The following PTPRT variants were observed in gnomAD, a reference collection of about 807,000 sequenced individuals.
The protein encoded by PTPRT is protein tyrosine phosphatase receptor type T.
PTPRT carries 56 observed loss-of-function variants against 176.8 expected under a neutral mutation model. The ratio of observed to expected loss-of-function variants is 0.32; its 90% CI spans 0.26 to 0.40. PTPRT has a LOEUF of 0.40. Among genes scored for constraint, PTPRT ranks in the 10% least tolerant of loss-of-function variants. The pLI, the probability that PTPRT is intolerant of heterozygous loss-of-function variation, is 1.00. For synonymous variants in PTPRT, 783 were observed against 739.0 expected (o/e 1.06, Z -0.96); for missense variants, 1,540 against 1,908.2 (o/e 0.81, Z 3.60).
intron 2 of PTPRT, among the ~76,000 whole-genome samples, chr20:42,831,616 T>G (rs1474845824): frequency 2.0e-5 from 3 of 152,206 alleles, no homozygotes; most frequent in Non-Finnish European, 4.4e-5. Flanking sequence ...GAGAAAATGT[T>G]GGCAAACTAT....
chr20:42,959,937 G>A (rs557275320), intron 1 of PTPRT, among the ~76,000 whole-genome samples: 2 of 152,056 alleles, frequency 1.3e-5, no homozygotes, highest in Non-Finnish European at 2.9e-5. Context: ...CAGGGACCTC[G>A]CAAGCTCATC....
At chr20:42,905,024 G>A (rs931097879) in intron 1 of PTPRT, among the ~76,000 whole-genome samples, 4 of 152,120 alleles carry the variant, frequency 2.6e-5, no homozygotes, top group African/African-American at 7.2e-5. Context: ...CTTCATGACT[G>A]AAACACCAAA....
At chr20:43,083,318 A>ATG (rs200630846) in intron 1 of PTPRT, among the ~76,000 whole-genome samples, 35,753 of 78,276 alleles carry the variant, frequency 0.46, 9,658 homozygotes, top group East Asian at 0.65. Context: ...CCCACTTCAA[A>ATG]TGTATATATA....
At chr20:43,129,554 G>A (rs1288363091) in intron 1 of PTPRT, among the ~76,000 whole-genome samples, 2 of 150,566 alleles carry the variant, frequency 1.3e-5, no homozygotes, top group Admixed American at 6.6e-5. Flanking sequence ...CAAACAGAAC[G>A]CTGCCTTTAG....
chr20:43,170,771 C>G (rs1201509892), intron 1 of PTPRT, among the ~76,000 whole-genome samples: 2 of 152,184 alleles, frequency 1.3e-5, no homozygotes, highest in Non-Finnish European at 2.9e-5. Flanking sequence ...GTGGCAAGAG[C>G]TGGGATTTTA....
At chr20:42,515,043 T>A (rs2072035130) in intron 7 of PTPRT, among the ~76,000 whole-genome samples, 1 of 152,130 alleles carries the variant, frequency 6.6e-6, no homozygotes, top group Non-Finnish European at 1.5e-5. Context: ...CCACTGGGGG[T>A]TTTATCTTAA....
chr20:42,449,429 C>G (rs2070787048), intron 8 of PTPRT, among the ~76,000 whole-genome samples: 1 of 152,158 alleles, frequency 6.6e-6, no homozygotes. Flanking sequence ...CCCAAACTTT[C>G]TGCTGTAACC....
intron 2 of PTPRT, among the ~76,000 whole-genome samples, chr20:42,858,497 G>A (rs2078604942): frequency 6.6e-6 from 1 of 152,172 alleles, no homozygotes; most frequent in South Asian, 2.1e-4. Flanking sequence ...AAGCGATGAG[G>A]ACTTTGGGGA....
At chr20:42,133,733 G>C (rs1319536722) in intron 18 of PTPRT, among the ~76,000 whole-genome samples, 2 of 152,170 alleles carry the variant, frequency 1.3e-5, no homozygotes, top group African/African-American at 4.8e-5. Flanking sequence ...TGTAATGAAT[G>C]TACCACACTA....
intron 1 of PTPRT, among the ~76,000 whole-genome samples, chr20:43,156,265 A>G (rs756676029): frequency 7.2e-5 from 11 of 152,228 alleles, no homozygotes; most frequent in Admixed American, 1.3e-4. Flanking sequence ...CTTGTCCATA[A>G]CAGAACCTCA....
At chr20:42,558,668 T>C (rs893243956) in intron 7 of PTPRT, among the ~76,000 whole-genome samples, 1 of 152,090 alleles carries the variant, frequency 6.6e-6, no homozygotes, top group Non-Finnish European at 1.5e-5. Flanking sequence ...AACCCAACTC[T>C]ACTAATCTCA....
At chr20:42,388,833 T>C (rs1004542399) in intron 9 of PTPRT, among the ~76,000 whole-genome samples, 4 of 152,220 alleles carry the variant, frequency 2.6e-5, no homozygotes, top group Admixed American at 2.6e-4. Flanking sequence ...CACATATGTT[T>C]ACTGCAGCAC....
chr20:42,914,559 A>G (rs206672), intron 1 of PTPRT, among the ~76,000 whole-genome samples: 6,311 of 152,272 alleles, frequency 0.041, 443 homozygotes, highest in African/African-American at 0.14. Flanking sequence ...CAAATGATTT[A>G]TGTTAACTGA....
intron 7 of PTPRT, among the ~76,000 whole-genome samples, chr20:42,474,766 G>A (rs1349786057): frequency 1.3e-5 from 2 of 152,120 alleles, no homozygotes; most frequent in Non-Finnish European, 2.9e-5. Flanking sequence ...TGGCTTGCCT[G>A]GGAAGCCCCG....
At chr20:42,599,080 GAGGACC>G in intron 7 of PTPRT, among the ~76,000 whole-genome samples, 1 of 152,170 alleles carries the variant, frequency 6.6e-6, no homozygotes, top group Non-Finnish European at 1.5e-5. Flanking sequence ...GTAAGATATT[GAGGACC>G]TGGTGGCAAG....
At chr20:43,091,373 A>G (rs185410092) in intron 1 of PTPRT, among the ~76,000 whole-genome samples, 1 of 152,116 alleles carries the variant, frequency 6.6e-6, no homozygotes, top group Non-Finnish European at 1.5e-5. Context: ...GACTGGATGT[A>G]CTTTGAAATG....
intron 2 of PTPRT, among the ~76,000 whole-genome samples, chr20:42,804,118 G>C (rs755932723): frequency 4.6e-5 from 7 of 152,024 alleles, no homozygotes; most frequent in Non-Finnish European, 1.0e-4. Context: ...CATCAACTGA[G>C]GCCTCTTGAA....
intron 1 of PTPRT, among the ~76,000 whole-genome samples, chr20:43,145,322 T>A (rs982858014): frequency 6.6e-6 from 1 of 152,234 alleles, no homozygotes; most frequent in Non-Finnish European, 1.5e-5. Flanking sequence ...TGTAATCCTT[T>A]CATCTACTCC....
intron 13 of PTPRT, among the ~76,000 whole-genome samples, chr20:42,274,842 G>T (rs2057001940): frequency 6.6e-6 from 1 of 152,060 alleles, no homozygotes; most frequent in Admixed American, 6.6e-5. Context: ...AATACTCCTG[G>T]AGACAGGCCA....
Sources: allele counts gnomAD v4.1 joint callset (sites outside exome capture counted in the v4.1 genomes callset), GRCh38; gene constraint gnomAD v4.1.1; transcripts MANE v1.5; gene names NCBI Gene and HGNC (gene_info 2026-07-23, HGNC 2026-07-21).